The following CDH23 variants were observed in gnomAD, a reference collection of about 807,000 sequenced individuals.
CDH23 encodes cadherin-23.
In CDH23, 189 loss-of-function variants were observed where a neutral mutation model predicts 317.1. The ratio of observed to expected loss-of-function variants is 0.60; its 90% CI spans 0.53 to 0.67. The LOEUF is 0.67. CDH23 is among the 30% of genes least tolerant of loss of function. CDH23 has a pLI of 0.00. For missense variants in CDH23, 4,401 were observed against 4,592.4 expected, an observed-to-expected ratio of 0.96 and a Z score of 1.20; for synonymous variants, 1,839 against 1,876.8, an observed-to-expected ratio of 0.98 and a Z score of 0.52.
In CDH23 at chr10:71,799,560, A is replaced by T. The variant is rs756753158; in HGVS notation, c.7293A>T (p.Ser2431=). The T allele has an allele frequency of 5.6e-6, 9 of 1,614,060 alleles. No homozygotes were observed. The highest frequency in any genetic ancestry group is 7.6e-6 in the Non-Finnish European group (9 of 1,179,886). Residue 2431 remains serine, a synonymous_variant, in exon 52 of 70, where the codon TCA becomes TCT. Transcript: ENST00000224721. ...CAGTCACTGCCACTGATGCTGACTCAGGCAACTTTGCACTCATTGAGTACA... is the reference window on the plus strand; with the variant it reads ...CAGTCACTGCCACTGATGCTGACTCTGGCAACTTTGCACTCATTGAGTACA... ...ILTVTATDAD[S]GNFALIEYSL... is the part of the protein sequence containing the mutation.
At chr10:71,800,031 G>C (rs1225948454) in intron 52 of CDH23, among the ~76,000 whole-genome samples, 1 of 152,246 alleles carries the variant, frequency 6.6e-6, no homozygotes, top group Non-Finnish European at 1.5e-5. Flanking sequence ...CCTATACTCA[G>C]TGCTGGGGAA....
rs776230069 is a variant in CDH23, at chr10:71,759,846, C to CACACACACACACACACATAT, written c.4846-17833_4846-17832insCACACACACACACACATATA. Among the ~76,000 whole-genome samples, 39 of 59,962 alleles carry CACACACACACACACACATAT rather than the reference C, an allele frequency of 6.5e-4. 4 individuals carry two copies. Among genetic ancestry groups the CACACACACACACACACATAT allele is most frequent in the African/African-American group, 1.9e-3 (32 of 16,702 alleles). 39.3% of individuals were successfully genotyped at this position (59,962 alleles called of 152,430 possible). ...ACACACACACACACACACACACACACATATACACACACACACACATATATA... is the reference window on the plus strand; with the variant it reads ...ACACACACACACACACACACACACACACACACACACACACACATATATATACACACACACACACATATATA... On this transcript the variant is annotated intron_variant, in intron 38 of 69. Coordinates refer to ENST00000224721, the MANE Select transcript of CDH23 (RefSeq NM_022124.6).
intron 3 of CDH23, among the ~76,000 whole-genome samples, chr10:71,451,892 G>T (rs1466729756): frequency 2.0e-5 from 3 of 152,202 alleles, no homozygotes; most frequent in Non-Finnish European, 4.4e-5. Flanking sequence ...CCGGGGGCTG[G>T]CTCCATGCCC....
At chr10:71,447,150 T>C (rs1187485335) in intron 3 of CDH23, among the ~76,000 whole-genome samples, 10 of 152,178 alleles carry the variant, frequency 6.6e-5, no homozygotes, top group Admixed American at 4.6e-4. Flanking sequence ...CTGCCATCTC[T>C]ACATGTGCAA....
chr10:71,705,169 G>T, intron 25 of CDH23, 39 bp downstream of exon 25: 1 of 1,552,784 alleles, frequency 6.4e-7, no homozygotes, highest in Non-Finnish European at 8.8e-7. Context: ...TGCTCAGTGT[G>T]TGGGCACAGG....
rs1564779148 is a variant in CDH23, at chr10:71,759,852, C to CACACACACACATATATAT, written c.4846-17817_4846-17816insTATATATACACACACACA. On this transcript the variant is annotated intron_variant, in intron 38 of 69. Coordinates refer to ENST00000224721, the MANE Select transcript of CDH23 (RefSeq NM_022124.6). Reference sequence around the variant, plus strand: ...ACACACACACACACACACACATATACACACACACACACATATATATACACA... The same window carrying CACACACACACATATATAT: ...ACACACACACACACACACACATATACACACACACACATATATATACACACACACACATATATATACACA... Among the ~76,000 whole-genome samples, 393 of 76,958 alleles carry CACACACACACATATATAT rather than the reference C, an allele frequency of 5.1e-3. 72 individuals are homozygous for CACACACACACATATATAT. The highest frequency in any genetic ancestry group is 0.019 in the African/African-American group (352 of 18,266). The allele number at this position is 76,958 out of a possible 152,430, so 50.5% of individuals were successfully genotyped here. A position where few individuals can be genotyped will look rare whatever the true frequency, so the allele number is the denominator to read the frequency against.
At chr10:71,744,979 T>C (rs1839820470) in intron 38 of CDH23, among the ~76,000 whole-genome samples, 1 of 152,224 alleles carries the variant, frequency 6.6e-6, no homozygotes, top group African/African-American at 2.4e-5. Context: ...TATCATTTGG[T>C]TTTTGCAGGG....
intron 6 of CDH23, among the ~76,000 whole-genome samples, chr10:71,514,720 G>A (rs978165501): frequency 1.3e-5 from 2 of 152,096 alleles, no homozygotes; most frequent in Non-Finnish European, 2.9e-5. Flanking sequence ...TTCACTTGTC[G>A]AAGTCCTAAC....
intron 11 of CDH23, among the ~76,000 whole-genome samples, chr10:71,643,398 A>G (rs1399897011): frequency 2.0e-5 from 3 of 152,010 alleles, no homozygotes; most frequent in African/African-American, 7.2e-5. Flanking sequence ...GACATTTTTT[A>G]TGTTAGGAAA....
At chr10:71,759,996 C>CAT (rs201795625) in intron 38 of CDH23, among the ~76,000 whole-genome samples, 8,045 of 38,102 alleles carry the variant, frequency 0.21, 1,841 homozygotes, top group Middle Eastern at 0.29. Flanking sequence ...TATACACACA[C>CAT]ACATACATAT....
At chr10:71,763,122 T>C (rs971252783) in intron 38 of CDH23, among the ~76,000 whole-genome samples, 2 of 152,246 alleles carry the variant, frequency 1.3e-5, no homozygotes, top group African/African-American at 4.8e-5. Context: ...TCTAATGCCC[T>C]CTGCAGACAT....
intron 14 of CDH23, among the ~76,000 whole-genome samples, chr10:71,666,082 G>A (rs1419435198): frequency 3.9e-5 from 6 of 152,218 alleles, no homozygotes; most frequent in Middle Eastern, 3.4e-3. Flanking sequence ...CAAAAGGGAG[G>A]GAAGGTCCCC....
chr10:71,795,633 A>C (rs1841379146), intron 48 of CDH23: 1 of 236,304 alleles, frequency 4.2e-6, no homozygotes. Flanking sequence ...CTCCACTCCA[A>C]ATGGGCTTCC....
chr10:71,670,197 G>A (rs962417668), intron 14 of CDH23, among the ~76,000 whole-genome samples: 2 of 152,148 alleles, frequency 1.3e-5, no homozygotes, highest in Non-Finnish European at 2.9e-5. Context: ...ACCCCGCCTC[G>A]CCCCATGCAA....
intron 9 of CDH23, among the ~76,000 whole-genome samples, chr10:71,583,229 A>C (rs1345313608): frequency 9.2e-6 from 1 of 108,760 alleles, no homozygotes; most frequent in Non-Finnish European, 1.7e-5. Context: ...GGCCGGGCAG[A>C]GTGCACAGGG....
At chr10:71,562,586 G>T (rs528695503) in intron 6 of CDH23, among the ~76,000 whole-genome samples, 1 of 152,364 alleles carries the variant, frequency 6.6e-6, no homozygotes, top group Admixed American at 6.5e-5. Context: ...CCCTGCCCAT[G>T]GCTGGGCATG....
intron 11 of CDH23, among the ~76,000 whole-genome samples, chr10:71,624,001 G>A (rs756791247): frequency 6.6e-6 from 1 of 152,208 alleles, no homozygotes; most frequent in South Asian, 2.1e-4. Context: ...GTGCCTCAGT[G>A]TCTGCCTCTG....
intron 11 of CDH23, among the ~76,000 whole-genome samples, chr10:71,627,128 G>T (rs187907323): frequency 4.6e-4 from 70 of 152,278 alleles, no homozygotes; most frequent in African/African-American, 1.6e-3. Context: ...GCACCTCTCC[G>T]CATCTCTGTT....
At chr10:71,655,451 C>T (rs190064337) in intron 14 of CDH23, among the ~76,000 whole-genome samples, 5 of 152,292 alleles carry the variant, frequency 3.3e-5, no homozygotes, top group African/African-American at 1.2e-4. Context: ...ACCTCAGGGC[C>T]AGCCTCCTTG....
Sources: allele counts gnomAD v4.1 joint callset (sites outside exome capture counted in the v4.1 genomes callset), GRCh38; gene constraint gnomAD v4.1.1; transcripts MANE v1.5; gene names NCBI Gene and HGNC (gene_info 2026-07-23, HGNC 2026-07-21).